The following LNPEP variants were observed in gnomAD, a reference collection of about 807,000 sequenced individuals.
The protein encoded by LNPEP is leucyl and cystinyl aminopeptidase, also known as leucyl-cystinyl aminopeptidase.
A neutral mutation model predicts 120.6 loss-of-function variants in LNPEP; 64 were observed. The ratio of observed to expected loss-of-function variants is 0.53; its 90% CI spans 0.43 to 0.65. The LOEUF is 0.65. Ranked by LOEUF, LNPEP falls within the 30% of genes least tolerant of loss-of-function variation. LNPEP has a pLI of 0.00. For missense variants in LNPEP, 1,057 were observed against 1,200.0 expected, an observed-to-expected ratio of 0.88 and a Z score of 1.76; for synonymous variants, 435 against 425.4, an observed-to-expected ratio of 1.02 and a Z score of -0.28.
intron 1 of LNPEP, among the ~76,000 whole-genome samples, chr5:96,955,681 TATTCACTA>T (rs1358738717): frequency 2.0e-5 from 3 of 152,208 alleles, no homozygotes; most frequent in African/African-American, 7.2e-5. Context: ...CATAATTGTT[TATTCACTA>T]ATTCACCAAT....
chr5:96,950,774 A>T (rs965887083), intron 1 of LNPEP, among the ~76,000 whole-genome samples: 3 of 152,188 alleles, frequency 2.0e-5, no homozygotes, highest in African/African-American at 7.2e-5. Flanking sequence ...TGGCCACACA[A>T]CTTAAATTAT....
chr5:97,026,011 C>G (rs1017973769), intron 15 of LNPEP, among the ~76,000 whole-genome samples: 1 of 152,066 alleles, frequency 6.6e-6, no homozygotes, highest in African/African-American at 2.4e-5. Context: ...TGCTTTTGTT[C>G]AGATGTCGGG....
intron 1 of LNPEP, among the ~76,000 whole-genome samples, chr5:96,944,655 G>A (rs760029738): frequency 7.3e-5 from 9 of 124,094 alleles, no homozygotes; most frequent in Non-Finnish European, 1.4e-4. Context: ...TGCAAACTCC[G>A]CCGCCCAGGT....
chr5:97,010,508 G>T, intron 11 of LNPEP: 1 of 985,358 alleles, frequency 1.0e-6, no homozygotes, highest in Non-Finnish European at 1.2e-6. Context: ...AAGTTCAATA[G>T]CATGTATGAT....
At chr5:96,969,132 C>G (rs1015746560) in intron 1 of LNPEP, among the ~76,000 whole-genome samples, 4 of 151,894 alleles carry the variant, frequency 2.6e-5, no homozygotes, top group African/African-American at 9.7e-5. Context: ...TTTTTCCTAT[C>G]CAGAAAAACT....
At chr5:96,985,665 C>A (rs551281422) in intron 3 of LNPEP, among the ~76,000 whole-genome samples, 5 of 152,040 alleles carry the variant, frequency 3.3e-5, no homozygotes, top group African/African-American at 1.2e-4. Context: ...GAGCCTCTTT[C>A]TTAGATGTTA....
chr5:96,949,413 A>T (rs979623185), intron 1 of LNPEP, among the ~76,000 whole-genome samples: 3 of 152,208 alleles, frequency 2.0e-5, no homozygotes, highest in African/African-American at 7.2e-5. Context: ...TCTTATGAGA[A>T]TCTAATGCCT....
intron 11 of LNPEP, chr5:97,011,294 T>C: frequency 1.6e-6 from 1 of 616,860 alleles, no homozygotes; most frequent in Non-Finnish European, 2.0e-6. Context: ...GGCATGATCA[T>C]AGCTCACTGC....
chr5:97,028,621 A>G lies in LNPEP; in HGVS notation c.*88A>G. ...CTTTTGCAAAAGCCAAGGTAAAGCC[A>G]GGATCGCTGCCAAGTTGTTTGCACT... On this transcript the variant is annotated 3_prime_UTR_variant, in exon 18 of 18. Coordinates refer to ENST00000231368, the MANE Select transcript of LNPEP (RefSeq NM_005575.3). The G allele has an allele frequency of 7.2e-7, 1 of 1,397,040 alleles. No homozygotes were observed. Among genetic ancestry groups the G allele is most frequent in the Non-Finnish European group, 9.9e-7 (1 of 1,005,154 alleles). The allele number at this position is 1,397,040 out of a possible 1,614,324, so 86.5% of individuals were successfully genotyped here.
rs560431180 is a variant in LNPEP at position 97,022,425 on chromosome 5, C to T, written c.2502C>T (p.Asn834=). 7.1e-4 allele frequency: 1,150 copies of T among 1,614,084 alleles called. 13 individuals are homozygous for T. In the South Asian group the frequency reaches 0.012, roughly 17 times the overall value. The change falls in exon 14 of 18, where the codon AAC becomes AAT. Residue 834 remains asparagine (N), a synonymous_variant. Transcript: ENST00000231368. ...TTGCTTGCACCCACAACCTGGGGAA[C>T]TGCTCTACTACTGCCATGAAACTGT... ...LEFACTHNLG[N]CSTTAMKLFD... is the part of the protein sequence containing the mutation.
intron 1 of LNPEP, among the ~76,000 whole-genome samples, chr5:96,973,613 T>C (rs1470037265): frequency 6.6e-6 from 1 of 152,106 alleles, no homozygotes; most frequent in Non-Finnish European, 1.5e-5. Flanking sequence ...AGAGATGATT[T>C]AAAGTATGTG....
chr5:96,943,633 C>T (rs1789113482), intron 1 of LNPEP, among the ~76,000 whole-genome samples: 1 of 152,156 alleles, frequency 6.6e-6, no homozygotes, highest in Non-Finnish European at 1.5e-5. Context: ...CACTTTTCTA[C>T]TGGTGCTTGT....
chr5:96,956,553 A>G (rs2112574396), intron 1 of LNPEP, among the ~76,000 whole-genome samples: 1 of 152,314 alleles, frequency 6.6e-6, no homozygotes, highest in African/African-American at 2.4e-5. Context: ...GTTACCCTGT[A>G]TGTAATATAT....
chr5:96,993,943 A>G lies in LNPEP; in HGVS notation c.1379A>G (p.Lys460Arg), dbSNP rs1359618566. ...ATGGCGGATAGAAAGCTGGTGACTA[A>G]AATCATTGCTCATGAGCTGGCCCAC... is the stretch of plus-strand genomic sequence containing the variant. ...SSMADRKLVT[K>R]IIAHELAHQW... Residue 460 changes from lysine (K) to arginine (R), a missense_variant, in exon 6 of 18, where the codon AAA (lysine) becomes AGA (arginine). Coordinates refer to ENST00000231368, the MANE Select transcript of LNPEP (RefSeq NM_005575.3). 1.9e-6 allele frequency: 3 copies of G among 1,613,748 alleles called. No homozygotes were observed.
chr5:96,980,391 AGAAGTGT>A (rs1790095953), intron 2 of LNPEP, among the ~76,000 whole-genome samples: 1 of 152,190 alleles, frequency 6.6e-6, no homozygotes, highest in Admixed American at 6.5e-5. Flanking sequence ...GAGGGCATGA[AGAAGTGT>A]GAAGTGTGGT....
chr5:97,019,789 C>G (rs1381069104), intron 13 of LNPEP, among the ~76,000 whole-genome samples: 3 of 151,724 alleles, frequency 2.0e-5, no homozygotes, highest in East Asian at 1.9e-4. Flanking sequence ...TCATTTGTTC[C>G]TATTTGACAG....
chr5:96,998,083 T>C lies in LNPEP; in HGVS notation c.1591T>C (p.Ser531Pro). 1 of 1,586,416 alleles carries C rather than the reference T, an allele frequency of 6.3e-7. No homozygotes were observed. Among genetic ancestry groups the C allele is most frequent in the Non-Finnish European group, 8.6e-7 (1 of 1,158,326 alleles). Residue 531 changes from serine (S) to proline (P), a missense_variant, in exon 8 of 18, where the codon TCA (serine) becomes CCA (proline). Coordinates refer to ENST00000231368, the MANE Select transcript of LNPEP (RefSeq NM_005575.3). Reference protein sequence around the residue: ...KDSLNSSHPISSSVQSSEQIE... With the variant: ...KDSLNSSHPIPSSVQSSEQIE... ...TTCCTTAAATTCATCTCATCCAATA[T>C]CATCATCTGTTCAGTCTTCAGAACA... is the stretch of plus-strand genomic sequence containing the variant.
chr5:96,986,543 C>A lies in LNPEP; in HGVS notation c.1004C>A (p.Ser335Ter). 1.2e-6 allele frequency: 2 copies of A among 1,612,518 alleles called. No individual in the cohort carries two copies. The highest frequency in any genetic ancestry group is 2.2e-5 in the South Asian group (2 of 90,844). The change falls in exon 4 of 18, where the codon TCA (serine) becomes TAA (stop). Residue 335 changes from serine (S) to a stop codon, truncating the protein, a stop_gained. Coordinates refer to ENST00000231368, the MANE Select transcript of LNPEP (RefSeq NM_005575.3). LOFTEE classifies it high-confidence loss of function. ...YTALSNMPKK[S>*]SVVLDDGLVQ... ...TCTTTTCCCCTTTGCTTGTAGAAGT[C>A]ATCAGTCGTTCTAGATGATGGACTT...
chr5:96,955,932 T>C (rs1034945041), intron 1 of LNPEP, among the ~76,000 whole-genome samples: 1 of 152,252 alleles, frequency 6.6e-6, no homozygotes, highest in African/African-American at 2.4e-5. Flanking sequence ...CAATGCTGAT[T>C]AATTTAGTAA....
Sources: allele counts gnomAD v4.1 joint callset (sites outside exome capture counted in the v4.1 genomes callset), GRCh38; gene constraint gnomAD v4.1.1; transcripts MANE v1.5; gene names NCBI Gene and HGNC (gene_info 2026-07-23, HGNC 2026-07-21).